Variants in DACH2 observed in about 807,000 individuals in gnomAD.
DACH2 encodes the protein dachshund family transcription factor 2, also known as dachshund homolog 2.
DACH2 carries 17 observed loss-of-function variants against 35.8 expected under a neutral mutation model. The ratio of observed to expected loss-of-function variants is 0.48; its 90% confidence interval spans 0.33 to 0.71. The LOEUF is 0.71. DACH2 is among the 30% of genes least tolerant of loss of function. The probability of loss-of-function intolerance (pLI) is 0.02; values close to 1 mark genes in which losing one functional copy is unlikely to be tolerated. For missense variants in DACH2, 469 were observed against 472.7 expected (o/e 0.99, Z 0.07); for synonymous variants, 195 against 177.3 (o/e 1.10, Z -0.79).
intron 3 of DACH2, among the ~76,000 whole-genome samples, chrX:86,563,520 G>A (rs947518441): frequency 9.1e-6 from 1 of 110,249 alleles, no homozygotes; most frequent in Non-Finnish European, 1.9e-5. Context: ...ATTATCAAAG[G>A]GAAAGATTTC....
intron 1 of DACH2, among the ~76,000 whole-genome samples, chrX:86,242,680 C>T (rs1297036817): frequency 9.0e-6 from 1 of 111,253 alleles, no homozygotes; most frequent in South Asian, 3.8e-4. Flanking sequence ...TGATCTGGCT[C>T]TGTGTCCCCT....
At chrX:86,359,956 C>T (rs760347444) in intron 1 of DACH2, among the ~76,000 whole-genome samples, 67 of 109,545 alleles carry the variant, frequency 6.1e-4, no homozygotes, top group East Asian at 1.7e-3. Flanking sequence ...GATCACCGCT[C>T]GCTGCAGCCT....
At chrX:86,468,526 A>C (rs1045060084) in intron 2 of DACH2, among the ~76,000 whole-genome samples, 13 of 111,741 alleles carry the variant, frequency 1.2e-4, no homozygotes, top group East Asian at 5.6e-4. Context: ...TTGTTGTGTC[A>C]GTTAAAAGCC....
rs2040631370 is a variant in DACH2 at position 86,663,547 on chromosome X, A to AT, written c.772+12384dup. On this transcript the variant is annotated intron_variant, in intron 4 of 11. Coordinates refer to ENST00000373125, the MANE Select transcript of DACH2 (RefSeq NM_053281.3). ...AGAGGAGGGAATTCCCTGGATAGAG[A>AT]TTTTAAACAACAGGAGAGAAAAAAG... is the stretch of plus-strand genomic sequence containing the variant. Among the ~76,000 whole-genome samples, 3 of 111,711 alleles carry AT rather than the reference A, an allele frequency of 2.7e-5. No individual in the cohort carries two copies. In the South Asian group the frequency reaches 1.1e-3, roughly 41 times the overall value.
intron 1 of DACH2, chrX:86,161,324 G>A: frequency 8.7e-7 from 1 of 1,152,048 alleles, no homozygotes. Context: ...GGACAGCACA[G>A]TCAACCTGAG....
chrX:86,466,875 C>T (rs774501982), intron 2 of DACH2, among the ~76,000 whole-genome samples: 152 of 110,826 alleles, frequency 1.4e-3, no homozygotes, highest in African/African-American at 4.7e-3. Flanking sequence ...GCTGGAGTGG[C>T]TGGAATGGAG....
intron 2 of DACH2, among the ~76,000 whole-genome samples, chrX:86,434,137 C>A (rs773520599): frequency 1.8e-5 from 2 of 112,103 alleles, no homozygotes; most frequent in East Asian, 5.6e-4. Context: ...TAGATGTTAA[C>A]GCTTTAAAAA....
At chrX:86,287,342 A>G (rs1024591359) in intron 1 of DACH2, among the ~76,000 whole-genome samples, 1 of 110,954 alleles carries the variant, frequency 9.0e-6, no homozygotes, top group Non-Finnish European at 1.9e-5. Flanking sequence ...TGGGAGTTTG[A>G]TTATGAAATG....
At chrX:86,586,665 A>T (rs1004153842) in intron 3 of DACH2, among the ~76,000 whole-genome samples, 2 of 111,756 alleles carry the variant, frequency 1.8e-5, no homozygotes, top group African/African-American at 6.5e-5. Flanking sequence ...TCCTGGCACC[A>T]TTTATTGAAT....
chrX:86,421,876 C>G (rs1435041950), intron 2 of DACH2, among the ~76,000 whole-genome samples: 1 of 110,999 alleles, frequency 9.0e-6, no homozygotes, highest in African/African-American at 3.3e-5. Flanking sequence ...CTTAGTCATA[C>G]AGGATAACAT....
chrX:86,726,471 C>T (rs1445444902), intron 6 of DACH2, among the ~76,000 whole-genome samples: 4 of 110,955 alleles, frequency 3.6e-5, no homozygotes, highest in African/African-American at 9.8e-5. Flanking sequence ...CAGCCTCAAG[C>T]AGGGTGGCGG....
intron 2 of DACH2, among the ~76,000 whole-genome samples, chrX:86,397,302 G>T (rs1220694548): frequency 9.0e-6 from 1 of 111,296 alleles, no homozygotes; most frequent in African/African-American, 3.3e-5. Context: ...TGAGACGATG[G>T]GGTTTTCTAG....
At chrX:86,243,349 C>A (rs900306296) in intron 1 of DACH2, among the ~76,000 whole-genome samples, 6 of 111,733 alleles carry the variant, frequency 5.4e-5, no homozygotes, top group Admixed American at 9.5e-5. Flanking sequence ...AAGAAAGTAA[C>A]TATGTGTGAT....
At chrX:86,399,248 A>G (rs191658896) in intron 2 of DACH2, among the ~76,000 whole-genome samples, 101 of 111,271 alleles carry the variant, frequency 9.1e-4, no homozygotes, top group African/African-American at 3.2e-3. Context: ...ATCTTCCTCC[A>G]TCCCTTTATT....
intron 1 of DACH2, among the ~76,000 whole-genome samples, chrX:86,320,893 A>T (rs1287560457): frequency 2.7e-5 from 3 of 111,979 alleles, no homozygotes; most frequent in Non-Finnish European, 5.6e-5. Flanking sequence ...CAGATTCCCA[A>T]GTGGGGGAGG....
chrX:86,707,434 A>C (rs183318833), intron 5 of DACH2, among the ~76,000 whole-genome samples: 1 of 111,867 alleles, frequency 8.9e-6, no homozygotes, highest in Non-Finnish European at 1.9e-5. Context: ...ATTCTCTGCA[A>C]TCTCTTCCAG....
intron 2 of DACH2, among the ~76,000 whole-genome samples, chrX:86,497,515 T>C (rs1401763300): frequency 9.0e-6 from 1 of 110,753 alleles, no homozygotes; most frequent in Non-Finnish European, 1.9e-5. Flanking sequence ...AGGGGAAGAT[T>C]CCTGGAGAGA....
intron 1 of DACH2, among the ~76,000 whole-genome samples, chrX:86,359,473 T>C (rs889018452): frequency 3.6e-5 from 4 of 110,978 alleles, no homozygotes; most frequent in Admixed American, 9.6e-5. Context: ...AGAGGCCAGG[T>C]GTGGTGGCTC....
At chrX:86,165,908 A>T (rs1395568918) in intron 1 of DACH2, among the ~76,000 whole-genome samples, 5 of 111,702 alleles carry the variant, frequency 4.5e-5, no homozygotes, top group African/African-American at 1.6e-4. Flanking sequence ...ATCTTTGCCC[A>T]GACCAATATC....
Sources: allele counts gnomAD v4.1 joint callset (sites outside exome capture counted in the v4.1 genomes callset), GRCh38; gene constraint gnomAD v4.1.1; transcripts MANE v1.5; gene names NCBI Gene and HGNC (gene_info 2026-07-23, HGNC 2026-07-21).